The following FBXL17 variants were observed in gnomAD, a reference collection of about 807,000 sequenced individuals.
FBXL17 encodes F-box and leucine rich repeat protein 17, also known as F-box/LRR-repeat protein 17.
FBXL17 carries 22 observed loss-of-function variants against 66.2 expected under a neutral mutation model. The observed-to-expected ratio is 0.33, with a 90% CI of 0.24 to 0.47. The LOEUF is 0.47. FBXL17 is among the 20% of genes least tolerant of loss of function. The pLI is 1.00. For synonymous variants in FBXL17, 474 were observed against 400.5 expected, an observed-to-expected ratio of 1.18 and a Z score of -2.19; for missense variants, 878 against 948.2, an observed-to-expected ratio of 0.93 and a Z score of 0.97.
rs74956848 is a variant in FBXL17, at chr5:108,095,759, C to A, written c.1746-74758G>T. Among the ~76,000 whole-genome samples the A allele has an allele frequency of 3.5e-3, 528 of 152,172 alleles. 2 individuals are homozygous for A. Among genetic ancestry groups the A allele is most frequent in the African/African-American group, 0.012 (511 of 41,548 alleles). On this transcript the variant is annotated intron_variant, in intron 6 of 8. Transcript: ENST00000542267. ...GAACTAATATGATGATAAATGGCAT[C>A]ATTCACAGAGTTTTCAACAGAACAA...
chr5:108,106,568 A>G (rs575403140), intron 6 of FBXL17, among the ~76,000 whole-genome samples: 26 of 152,350 alleles, frequency 1.7e-4, no homozygotes, highest in African/African-American at 6.3e-4. Flanking sequence ...ATAAAAAGAA[A>G]GTGTGAAAGT....
At chr5:107,909,369 A>G (rs752166733) in intron 7 of FBXL17, among the ~76,000 whole-genome samples, 7 of 152,178 alleles carry the variant, frequency 4.6e-5, no homozygotes, top group Non-Finnish European at 1.0e-4. Flanking sequence ...CAGTGGCTAC[A>G]CATAACTTGC....
intron 7 of FBXL17, among the ~76,000 whole-genome samples, chr5:108,018,808 T>C (rs1754480002): frequency 6.6e-6 from 1 of 152,162 alleles, no homozygotes; most frequent in African/African-American, 2.4e-5. Context: ...AGTTGTCAAC[T>C]TTGCCTGACA....
intron 6 of FBXL17, among the ~76,000 whole-genome samples, chr5:108,093,771 T>C (rs908721915): frequency 1.3e-5 from 2 of 152,176 alleles, no homozygotes; most frequent in African/African-American, 2.4e-5. Context: ...AGATTTAAAA[T>C]CTTTAACTCA....
At chr5:108,153,035 G>GA (rs747317197) in intron 6 of FBXL17, among the ~76,000 whole-genome samples, 10 of 152,050 alleles carry the variant, frequency 6.6e-5, no homozygotes, top group Non-Finnish European at 1.5e-4. Context: ...TTATAAGGGG[G>GA]AGTTACCCTG....
chr5:108,158,188 T>G (rs1752067590), intron 6 of FBXL17, among the ~76,000 whole-genome samples: 1 of 152,122 alleles, frequency 6.6e-6, no homozygotes, highest in South Asian at 2.1e-4. Context: ...ACTATTAAAA[T>G]TATTAAGTTC....
chr5:108,091,379 G>C (rs571980670), intron 6 of FBXL17, among the ~76,000 whole-genome samples: 4 of 152,140 alleles, frequency 2.6e-5, no homozygotes, highest in African/African-American at 9.7e-5. Context: ...ATTTGAACTT[G>C]CATGACAAAA....
At chr5:108,241,256 G>T (rs113859423) in intron 4 of FBXL17, among the ~76,000 whole-genome samples, 1 of 152,104 alleles carries the variant, frequency 6.6e-6, no homozygotes, top group African/African-American at 2.4e-5. Flanking sequence ...TCAAGATAAC[G>T]CAGAGAAGGA....
At chr5:108,267,447 T>C (rs1757089141) in intron 4 of FBXL17, among the ~76,000 whole-genome samples, 1 of 152,078 alleles carries the variant, frequency 6.6e-6, no homozygotes, top group Non-Finnish European at 1.5e-5. Context: ...ATCATCAATG[T>C]TCAAAATATT....
intron 4 of FBXL17, among the ~76,000 whole-genome samples, chr5:108,320,308 G>T (rs1331099401): frequency 1.3e-5 from 2 of 151,568 alleles, no homozygotes; most frequent in Non-Finnish European, 3.0e-5. Flanking sequence ...ATTTTTAAGG[G>T]AAGAAAAACA....
intron 1 of FBXL17, among the ~76,000 whole-genome samples, chr5:108,370,739 T>C (rs1206247385): frequency 6.7e-6 from 1 of 149,600 alleles, no homozygotes; most frequent in Admixed American, 6.7e-5. Context: ...CAAGACTCCT[T>C]CTCGGAAAAA....
chr5:108,343,608 A>G (rs1747036852), intron 4 of FBXL17, among the ~76,000 whole-genome samples: 1 of 152,182 alleles, frequency 6.6e-6, no homozygotes, highest in South Asian at 2.1e-4. Context: ...GGTGAACAGT[A>G]AGAGTCAGGA....
intron 8 of FBXL17, among the ~76,000 whole-genome samples, chr5:107,875,106 TC>T (rs1486104318): frequency 7.5e-6 from 1 of 133,944 alleles, no homozygotes; most frequent in Non-Finnish European, 1.6e-5. Flanking sequence ...TCTCTCTCTC[TC>T]TTTTTTTTTT....
At chr5:108,083,913 A>G (rs1379567934) in intron 6 of FBXL17, among the ~76,000 whole-genome samples, 1 of 152,204 alleles carries the variant, frequency 6.6e-6, no homozygotes, top group East Asian at 1.9e-4. Flanking sequence ...AGCATCATCA[A>G]TATGAAGGAT....
intron 7 of FBXL17, among the ~76,000 whole-genome samples, chr5:107,996,183 G>GA (rs1427820305): frequency 6.6e-6 from 1 of 152,098 alleles, no homozygotes; most frequent in East Asian, 1.9e-4. Flanking sequence ...CTGCCTTGCT[G>GA]AGTTCTCCTG....
intron 7 of FBXL17, among the ~76,000 whole-genome samples, chr5:107,996,471 T>C (rs1284638128): frequency 1.3e-5 from 2 of 152,080 alleles, no homozygotes; most frequent in East Asian, 3.9e-4. Context: ...TGCGCCACCA[T>C]GTCTGGCTAA....
intron 1 of FBXL17, among the ~76,000 whole-genome samples, chr5:108,374,653 G>A (rs1406059823): frequency 6.6e-6 from 1 of 152,104 alleles, no homozygotes; most frequent in Non-Finnish European, 1.5e-5. Context: ...TCCAGCCTGG[G>A]TGATACAGTG....
chr5:108,179,656 C>T (rs1288229900), intron 6 of FBXL17, among the ~76,000 whole-genome samples: 2 of 152,088 alleles, frequency 1.3e-5, no homozygotes, highest in Admixed American at 6.6e-5. Flanking sequence ...TGTTTGAACA[C>T]TAACAAAGAG....
chr5:107,918,875 T>C (rs1358060767), intron 7 of FBXL17, among the ~76,000 whole-genome samples: 1 of 152,192 alleles, frequency 6.6e-6, no homozygotes, highest in Non-Finnish European at 1.5e-5. Context: ...CTTCTGGATT[T>C]TGTAGATCCA....
Sources: allele counts gnomAD v4.1 joint callset (sites outside exome capture counted in the v4.1 genomes callset), GRCh38; gene constraint gnomAD v4.1.1; transcripts MANE v1.5; gene names NCBI Gene and HGNC (gene_info 2026-07-23, HGNC 2026-07-21).